Variants in TPPP2 observed in about 807,000 individuals in gnomAD.
The protein encoded by TPPP2 is tubulin polymerization promoting protein family member 2, also known as tubulin polymerization-promoting protein family member 2.
TPPP2 carries 8 observed loss-of-function variants against 13.0 expected under a neutral mutation model. The observed-to-expected ratio is 0.62, with a 90% CI of 0.36 to 1.11. The LOEUF (loss-of-function observed/expected upper bound fraction) is 1.11, where lower values mean the gene tolerates loss of function less well. Ranked by LOEUF, TPPP2 falls within the 50% of genes most tolerant of loss-of-function variation. TPPP2 has a pLI of 0.02. For missense variants in TPPP2, 213 were observed against 216.9 expected, an observed-to-expected ratio of 0.98 and a Z score of 0.11; for synonymous variants, 81 against 81.8, an observed-to-expected ratio of 0.99 and a Z score of 0.05.
chr14:21,030,797 C>A, intron 2 of TPPP2, 43 bp downstream of exon 2: 1 of 1,601,976 alleles, frequency 6.2e-7, no homozygotes, highest in Non-Finnish European at 8.5e-7. Context: ...GAAGAACCTG[C>A]GAGGTAGTTG....
rs1348127496 is a variant in TPPP2 at position 21,025,052 on chromosome 14, A to G, written n.236+708A>G. 2.0e-6 allele frequency: 2 copies of G among 980,452 alleles called. No individual in the cohort carries two copies. Among genetic ancestry groups the G allele is most frequent in the African/African-American group, 1.8e-5 (1 of 54,954 alleles). 60.7% of individuals were successfully genotyped at this position (980,452 alleles called of 1,614,324 possible). ...ACCTGCTGCCGCCGCGGCCGCTTCC[A>G]CCTTCACTTGCCTTTGACTCGGGCC... is the stretch of plus-strand genomic sequence containing the variant. On this transcript the variant is annotated intron_variant and non_coding_transcript_variant, in intron 1 of 1. Coordinates refer to the TPPP2 transcript ENST00000533755. This position sits in a 1 kb window ranked among gnomAD's most constrained non-coding sequence, Gnocchi z 5.1.
intron 2 of TPPP2, 28 bp downstream of exon 2, chr14:21,030,782 G>A (rs752081848): frequency 4.3e-6 from 7 of 1,609,710 alleles, no homozygotes; most frequent in East Asian, 4.5e-5. Flanking sequence ...TGGAGGTGGG[G>A]GTGAGAAGAA....
rs552020629 is a variant in TPPP2, at chr14:21,030,309, A to C, written c.-70+5A>C. ...CCACCATCCGGGTACTCTAAGGTAC[A>C]TAAAAGAGGTAGGGGAAAGAGAGGA... On this transcript the variant is annotated splice_donor_5th_base_variant and intron_variant, in intron 1 of 3. Coordinates refer to ENST00000321760, the MANE Select transcript of TPPP2 (RefSeq NM_173846.5). The C allele has an allele frequency of 2.0e-4, 89 of 436,046 alleles. No homozygotes were observed. Among genetic ancestry groups the C allele is most frequent in the Non-Finnish European group, 3.2e-4 (76 of 237,006 alleles). 27.0% of individuals were successfully genotyped at this position (436,046 alleles called of 1,614,324 possible). A position where few individuals can be genotyped will look rare whatever the true frequency, so the allele number is the denominator to read the frequency against.
intron 1 of TPPP2, 69 bp from the exon 2 acceptor site, chr14:21,030,444 C>A: frequency 1.2e-6 from 1 of 864,028 alleles, no homozygotes; most frequent in Non-Finnish European, 1.8e-6. Flanking sequence ...GAGAGAGCAA[C>A]AGGGAAGAGG....
At chr14:21,026,052 C>G (rs560797740), upstream of TPPP2, among the ~76,000 whole-genome samples, 139 of 152,132 alleles carry the variant, frequency 9.1e-4, no homozygotes, top group African/African-American at 3.2e-3. Context: ...AGCTCAGGCC[C>G]GCTGAATCGC....
chr14:21,031,212 A>G (rs543485522), intron 3 of TPPP2, 47 bp downstream of exon 3: 8 of 1,596,358 alleles, frequency 5.0e-6, no homozygotes, highest in Non-Finnish European at 6.0e-6. Context: ...CTAAATCCCC[A>G]TTGTTCCAGT....
At chr14:21,035,780 T>A (rs892854108), downstream of TPPP2, 19 of 456,128 alleles carry the variant, frequency 4.2e-5, no homozygotes, top group African/African-American at 3.8e-4. Context: ...TCTCTTCCTG[T>A]TTTGTCAACT....
Position 21,032,013 on chromosome 14 carries a change from C to A in TPPP2, c.449C>A (p.Thr150Asn). Residue 150 changes from threonine to asparagine, a missense_variant, in exon 4 of 4, where the codon ACT (threonine) becomes AAT (asparagine). Coordinates refer to ENST00000321760, the MANE Select transcript of TPPP2 (RefSeq NM_173846.5). ...GKGIAGREEM[T>N]DNTGYVSGYK... The stretch of plus-strand genomic sequence containing the variant: ...GGCATTGCGGGACGGGAAGAGATGA[C>A]TGACAACACAGGCTATGTGAGTGGT... The A allele has an allele frequency of 1.2e-6, 2 of 1,614,172 alleles. No homozygotes were observed. The highest frequency in any genetic ancestry group is 1.7e-6 in the Non-Finnish European group (2 of 1,180,032).
rs765371386 is a variant in TPPP2, at chr14:21,030,772, T to C, written c.173+18T>C. 2.5e-6 allele frequency: 4 copies of C among 1,611,766 alleles called. No homozygotes were observed. The highest frequency in any genetic ancestry group is 3.4e-6 in the Non-Finnish European group (4 of 1,178,686). On this transcript the variant is annotated intron_variant, in intron 2 of 3. Coordinates refer to ENST00000321760, the MANE Select transcript of TPPP2 (RefSeq NM_173846.5). ...AAAGTCAAGTGAGGAGCCAAAAATA[T>C]GGAGGTGGGGGTGAGAAGAACCTGC... is the stretch of plus-strand genomic sequence containing the variant.
At chr14:21,034,666 T>C (rs17099500), downstream of TPPP2, 30,560 of 197,172 alleles carry the variant, frequency 0.15, 2,801 homozygotes, top group African/African-American at 0.26. Context: ...CTGACAATTC[T>C]CTGGCAGCTG....
At chr14:21,025,324 G>A (rs986495258), upstream of TPPP2, 1 of 973,760 alleles carries the variant, frequency 1.0e-6, no homozygotes, top group Non-Finnish European at 1.2e-6. The surrounding 1 kb of genome is among the most constrained non-coding windows in gnomAD (Gnocchi z 5.1). Flanking sequence ...GGGGCGGTGT[G>A]GGGAGTGCGG....
Position 21,032,381 on chromosome 14 carries a change from G to GC in TPPP2, c.*304_*305insC. 1 of 465,902 alleles carries GC rather than the reference G, an allele frequency of 2.1e-6. No individual in the cohort carries two copies. Among genetic ancestry groups the GC allele is most frequent in the Non-Finnish European group, 4.1e-6 (1 of 244,904 alleles). 28.9% of individuals were successfully genotyped at this position (465,902 alleles called of 1,614,324 possible). A position where few individuals can be genotyped will look rare whatever the true frequency, so the allele number is the denominator to read the frequency against. On this transcript the variant is annotated 3_prime_UTR_variant, in exon 4 of 4. Transcript: ENST00000321760. ...GTAAAGAGATGAACCAGATGTGGAG[G>GC]TAAAAGTATCTACTACTTGTGTTCA...
chr14:21,025,800 G>C, upstream of TPPP2: 5 of 792,374 alleles, frequency 6.3e-6, no homozygotes, highest in Non-Finnish European at 7.6e-6. This position sits in a 1 kb window ranked among gnomAD's most constrained non-coding sequence, Gnocchi z 5.1. Flanking sequence ...GCGATCGCGG[G>C]CAGGCGGGGG....
chr14:21,030,716 C>A lies in TPPP2; in HGVS notation c.135C>A (p.Val45=). ...KDCGIMDGKT[V]TSTDVDIVFS... ...GTGGCATCATGGATGGCAAGACAGTCACCTCCACGGACGTGGACATCGTGT... is the reference window on the plus strand; with the variant it reads ...GTGGCATCATGGATGGCAAGACAGTAACCTCCACGGACGTGGACATCGTGT... The change falls in exon 2 of 4, where the codon GTC becomes GTA. Residue 45 remains valine (V), a synonymous_variant. Coordinates refer to ENST00000321760, the MANE Select transcript of TPPP2 (RefSeq NM_173846.5). 6.2e-7 allele frequency: 1 copy of A among 1,614,156 alleles called. No individual in the cohort carries two copies. Among genetic ancestry groups the A allele is most frequent in the Non-Finnish European group, 8.5e-7 (1 of 1,180,020 alleles).
At chr14:21,026,797 C>T (rs1883693502), upstream of TPPP2, among the ~76,000 whole-genome samples, 1 of 152,098 alleles carries the variant, frequency 6.6e-6, no homozygotes, top group African/African-American at 2.4e-5. Context: ...CACCCTGGCT[C>T]CTCTCCTAGT....
rs770032458 is a variant in TPPP2, at chr14:21,032,781, A to C, written c.*704A>C. On this transcript the variant is annotated 3_prime_UTR_variant, in exon 4 of 4. Transcript: ENST00000321760. ...ATTCCAAGAGCAGGAGTTCTGGTGC[A>C]CTGAAGAAAAAGCAATTAAATCACA... The C allele has an allele frequency of 2.7e-6, 1 of 372,688 alleles. No homozygotes were observed. Among genetic ancestry groups the C allele is most frequent in the Non-Finnish European group, 5.2e-6 (1 of 191,284 alleles). 23.1% of individuals were successfully genotyped at this position (372,688 alleles called of 1,614,324 possible).
downstream of TPPP2, chr14:21,034,221 ATGT>A: frequency 6.2e-7 from 1 of 1,614,098 alleles, no homozygotes; most frequent in African/African-American, 1.3e-5. Context: ...CTGCATCTTG[ATGT>A]CCATGACCAG....
At chr14:21,031,752 G>A in intron 3 of TPPP2, 140 bp from the exon 4 acceptor site, 2 of 883,684 alleles carry the variant, frequency 2.3e-6, no homozygotes, top group Non-Finnish European at 3.4e-6. Flanking sequence ...CTGTATCTGG[G>A]CCCTAAGAAA....
At chr14:21,029,503 A>G (rs1221786710), upstream of TPPP2, among the ~76,000 whole-genome samples, 1 of 152,180 alleles carries the variant, frequency 6.6e-6, no homozygotes, top group African/African-American at 2.4e-5. Context: ...AGGCTGAGGC[A>G]TGAGAGTCGC....
Sources: gnomAD v4.1 joint callset for allele counts (sites outside exome capture counted in the v4.1 genomes callset) on GRCh38, gnomAD v4.1.1 for gene constraint, Gnocchi (gnomAD v3.1) non-coding constraint, MANE v1.5 for transcripts, NCBI Gene and HGNC (gene_info 2026-07-23, HGNC 2026-07-21) for gene names.